SLC22A16: variants seen among roughly 807,000 people sequenced by gnomAD.
SLC22A16 encodes WUGSC:RG331P03.1.
In SLC22A16, 53 loss-of-function variants were observed where a neutral mutation model predicts 52.9. That is an observed-to-expected ratio of 1.00 (90% CI 0.80 to 1.26). The LOEUF (loss-of-function observed/expected upper bound fraction) is 1.26, where lower values mean the gene tolerates loss of function less well. Among genes scored for constraint, SLC22A16 ranks in the 50% most tolerant of loss-of-function variants. The pLI, the probability that SLC22A16 is intolerant of heterozygous loss-of-function variation, is 0.00. For missense variants in SLC22A16, 726 were observed against 704.0 expected, an observed-to-expected ratio of 1.03 and a Z score of -0.35; for synonymous variants, 291 against 268.8, an observed-to-expected ratio of 1.08 and a Z score of -0.81.
chr6:110,463,750 C>G (rs1040764031), intron 1 of SLC22A16, among the ~76,000 whole-genome samples: 6 of 151,704 alleles, frequency 4.0e-5, no homozygotes, highest in Non-Finnish European at 7.4e-5. Context: ...GATCATTGAG[C>G]TTGATCTGTC....
chr6:110,442,829 G>A, intron 3 of SLC22A16, 54 bp from the exon 4 acceptor site: 3 of 1,532,114 alleles, frequency 2.0e-6, no homozygotes, highest in Non-Finnish European at 8.9e-7. Flanking sequence ...TAACTATTGA[G>A]GAGTCTGACC....
intron 1 of SLC22A16, chr6:110,475,936 A>T (rs1776452209): frequency 2.2e-6 from 1 of 456,414 alleles, no homozygotes; most frequent in African/African-American, 2.0e-5. Context: ...AAGGATTTGA[A>T]CACCTCCTTT....
chr6:110,432,580 G>T (rs1774548813), intron 6 of SLC22A16, among the ~76,000 whole-genome samples: 2 of 152,288 alleles, frequency 1.3e-5, no homozygotes, highest in African/African-American at 4.8e-5. Flanking sequence ...AGGCCAGAAG[G>T]GTCCCACAGG....
At chr6:110,461,097 C>T (rs1473074975) in intron 1 of SLC22A16, among the ~76,000 whole-genome samples, 1 of 152,232 alleles carries the variant, frequency 6.6e-6, no homozygotes, top group Non-Finnish European at 1.5e-5. Context: ...TGCATCCCCA[C>T]TGAAAGTGAG....
intron 2 of SLC22A16, among the ~76,000 whole-genome samples, chr6:110,451,913 T>C (rs1775394243): frequency 6.6e-6 from 1 of 152,234 alleles, no homozygotes; most frequent in Non-Finnish European, 1.5e-5. Context: ...TATGCACGTT[T>C]AGTCCTTCTG....
rs777620660 is a variant in SLC22A16, at chr6:110,442,818, A to G, written c.652-43T>C. ...GGGATTTATATTCAAGGTCACATTT[A>G]TAACTATTGAGGAGTCTGACCCCAT... On this transcript the variant is annotated intron_variant, in intron 3 of 7. Coordinates refer to ENST00000368919, the MANE Select transcript of SLC22A16 (RefSeq NM_033125.4). 25 of 1,569,338 alleles carry G rather than the reference A, an allele frequency of 1.6e-5. No homozygotes were observed. The South Asian group carries it at 2.9e-4, about 18-fold the overall frequency.
At chr6:110,444,212 T>C (rs1172839796) in intron 3 of SLC22A16, among the ~76,000 whole-genome samples, 2 of 152,164 alleles carry the variant, frequency 1.3e-5, no homozygotes, top group East Asian at 3.8e-4. Context: ...GATTACAATA[T>C]GTGATTAGAA....
At chr6:110,476,475 C>T (rs1443838509) in intron 1 of SLC22A16, 47 bp downstream of exon 1, 1 of 1,477,578 alleles carries the variant, frequency 6.8e-7, no homozygotes, top group Non-Finnish European at 9.0e-7. Flanking sequence ...GAAACAGACC[C>T]CTCGGCGCCG....
rs989809796 is a variant in SLC22A16 at position 110,446,998 on chromosome 6, A to G, written c.534-8T>C. ...ACCACCCGGCGTCCTAGCCTGAAAAATAAGAGTCACACAGTGGAAGAGGAA... is the reference window on the plus strand; with the variant it reads ...ACCACCCGGCGTCCTAGCCTGAAAAGTAAGAGTCACACAGTGGAAGAGGAA... On this transcript the variant is annotated splice_region_variant and splice_polypyrimidine_tract_variant and intron_variant, in intron 2 of 7. Transcript: ENST00000368919. 4 of 1,608,738 alleles carry G rather than the reference A, an allele frequency of 2.5e-6. No homozygotes were observed. The highest frequency in any genetic ancestry group is 3.4e-6 in the Non-Finnish European group (4 of 1,177,480).
At chr6:110,428,526 A>G (rs1774366949) in intron 7 of SLC22A16, among the ~76,000 whole-genome samples, 1 of 152,238 alleles carries the variant, frequency 6.6e-6, no homozygotes, top group African/African-American at 2.4e-5. Context: ...TGGGCTAATA[A>G]CTACTTTCTG....
In SLC22A16 at chr6:110,447,008, C is replaced by T; in HGVS notation, c.534-18G>A. Reference sequence around the variant, plus strand: ...GTCCTAGCCTGAAAAATAAGAGTCACACAGTGGAAGAGGAAAGGTAGAGTT... The same window carrying T: ...GTCCTAGCCTGAAAAATAAGAGTCATACAGTGGAAGAGGAAAGGTAGAGTT... On this transcript the variant is annotated intron_variant, in intron 2 of 7. Coordinates refer to ENST00000368919, the MANE Select transcript of SLC22A16 (RefSeq NM_033125.4). 1 of 1,596,896 alleles carries T rather than the reference C, an allele frequency of 6.3e-7. No homozygotes were observed.
intron 4 of SLC22A16, chr6:110,440,304 A>G (rs1562282624): frequency 1.3e-5 from 2 of 152,454 alleles, no homozygotes; most frequent in Non-Finnish European, 2.9e-5. Context: ...AATGTCTGGC[A>G]CAAATGCATA....
chr6:110,442,213 T>TGCC, intron 4 of SLC22A16, 31 bp downstream of exon 4: 1 of 1,589,606 alleles, frequency 6.3e-7, no homozygotes, highest in African/African-American at 1.3e-5. Context: ...CTCACTTCAC[T>TGCC]GCCAAATTTA....
At chr6:110,439,612 C>T (rs372914264) in intron 4 of SLC22A16, among the ~76,000 whole-genome samples, 3 of 152,024 alleles carry the variant, frequency 2.0e-5, no homozygotes, top group South Asian at 2.1e-4. Context: ...CCAGATGTGC[C>T]GTCAGAGCAC....
chr6:110,475,116 C>T (rs1181849545), intron 1 of SLC22A16: 1 of 416,970 alleles, frequency 2.4e-6, no homozygotes, highest in African/African-American at 2.1e-5. Context: ...CTTAGACATC[C>T]AGCCTTAAAA....
chr6:110,441,991 G>A (rs1774984733), intron 4 of SLC22A16, among the ~76,000 whole-genome samples: 1 of 152,170 alleles, frequency 6.6e-6, no homozygotes, highest in Non-Finnish European at 1.5e-5. Flanking sequence ...ATCATGTTGA[G>A]AAAGTTTATG....
intron 1 of SLC22A16, among the ~76,000 whole-genome samples, chr6:110,475,166 A>T (rs925685636): frequency 3.3e-5 from 5 of 152,176 alleles, no homozygotes; most frequent in African/African-American, 1.2e-4. Context: ...TTCCAGAAGG[A>T]TGAAATGAGA....
chr6:110,471,148 T>A (rs1313681182), intron 1 of SLC22A16, among the ~76,000 whole-genome samples: 1 of 152,190 alleles, frequency 6.6e-6, no homozygotes, highest in African/African-American at 2.4e-5. Flanking sequence ...CCCATAAGAT[T>A]ATAATATTAA....
At chr6:110,429,066 T>C (rs1422500699) in intron 7 of SLC22A16, among the ~76,000 whole-genome samples, 2 of 152,242 alleles carry the variant, frequency 1.3e-5, no homozygotes, top group South Asian at 4.1e-4. Flanking sequence ...AATTACCTTT[T>C]ATAAATTTAT....
Sources: allele counts gnomAD v4.1 joint callset (sites outside exome capture counted in the v4.1 genomes callset), GRCh38; gene constraint gnomAD v4.1.1; transcripts MANE v1.5; gene names NCBI Gene and HGNC (gene_info 2026-07-23, HGNC 2026-07-21).